SIPA1L1: variants seen among roughly 807,000 people sequenced by gnomAD.
The protein encoded by SIPA1L1 is signal induced proliferation associated 1 like 1.
Under a neutral mutation model 162.7 loss-of-function variants are expected in SIPA1L1, and 26 were observed. The ratio of observed to expected loss-of-function variants is 0.16; its 90% CI spans 0.12 to 0.22. The LOEUF is 0.22. Ranked by LOEUF, SIPA1L1 falls within the 10% of genes least tolerant of loss-of-function variation. The pLI is 1.00. For synonymous variants in SIPA1L1, 829 were observed against 837.4 expected (o/e 0.99, Z 0.17); for missense variants, 1,874 against 2,241.0 (o/e 0.84, Z 3.31).
rs767440470 is a variant in SIPA1L1, at chr14:71,351,266, G to A, written c.-465+30085G>A. Among the ~76,000 whole-genome samples, 168 of 152,146 alleles carry A rather than the reference G, an allele frequency of 1.1e-3. 2 individuals carry two copies. Among genetic ancestry groups the A allele is most frequent in the Admixed American group, 2.6e-3 (39 of 15,266 alleles). On this transcript the variant is annotated intron_variant, in intron 2 of 23. Coordinates refer to ENST00000381232, the MANE Select transcript of SIPA1L1 (RefSeq NM_001386936.1). ...AAAAAATGCCTAAAAAGTCTCTTTAGGGGTGCAGTGATGGAAAAAAGTTGA... is the reference window on the plus strand; with the variant it reads ...AAAAAATGCCTAAAAAGTCTCTTTAAGGGTGCAGTGATGGAAAAAAGTTGA...
chr14:71,340,333 G>A (rs2035521661), intron 2 of SIPA1L1, among the ~76,000 whole-genome samples: 1 of 151,836 alleles, frequency 6.6e-6, no homozygotes, highest in Non-Finnish European at 1.5e-5. Flanking sequence ...TCTGTTGTAG[G>A]ACTTTGGCCT....
chr14:71,556,361 G>A (rs2056351577), intron 4 of SIPA1L1, among the ~76,000 whole-genome samples: 1 of 152,022 alleles, frequency 6.6e-6, no homozygotes, highest in Non-Finnish European at 1.5e-5. Flanking sequence ...AGCGTACACT[G>A]GCTGGATGTT....
At chr14:71,364,230 C>T (rs1050632328) in intron 2 of SIPA1L1, among the ~76,000 whole-genome samples, 1 of 152,114 alleles carries the variant, frequency 6.6e-6, no homozygotes, top group African/African-American at 2.4e-5. Flanking sequence ...AGGCAAGTGA[C>T]GTTATTTTTG....
intron 5 of SIPA1L1, among the ~76,000 whole-genome samples, chr14:71,611,025 C>T (rs2038146564): frequency 6.6e-6 from 1 of 152,124 alleles, no homozygotes; most frequent in Non-Finnish European, 1.5e-5. Context: ...TTTAAATGTC[C>T]CCATCCATTA....
At chr14:71,440,214 A>T (rs1242356446) in intron 2 of SIPA1L1, among the ~76,000 whole-genome samples, 1 of 151,868 alleles carries the variant, frequency 6.6e-6, no homozygotes, top group Non-Finnish European at 1.5e-5. Flanking sequence ...TTTAGTAGAG[A>T]TGGGGTTTCA....
chr14:71,712,834 G>T (rs1334067417), intron 17 of SIPA1L1, among the ~76,000 whole-genome samples: 2 of 152,132 alleles, frequency 1.3e-5, no homozygotes, highest in East Asian at 1.9e-4. Flanking sequence ...TGGTGTCCAC[G>T]GTTGTTAGCC....
chr14:71,439,661 T>G (rs1330107921), intron 2 of SIPA1L1, among the ~76,000 whole-genome samples: 2 of 152,246 alleles, frequency 1.3e-5, no homozygotes, highest in African/African-American at 2.4e-5. Flanking sequence ...GGTAGCACAG[T>G]CTTTTTTCCC....
chr14:71,694,375 G>A (rs1283282247), intron 13 of SIPA1L1, among the ~76,000 whole-genome samples: 2 of 152,106 alleles, frequency 1.3e-5, no homozygotes, highest in South Asian at 2.1e-4. Flanking sequence ...GCAGTGAAGT[G>A]CATTGCATAT....
chr14:71,637,337 G>C (rs1475004161), intron 7 of SIPA1L1, among the ~76,000 whole-genome samples: 1 of 152,154 alleles, frequency 6.6e-6, no homozygotes, highest in East Asian at 1.9e-4. Context: ...GAGAGAGAGA[G>C]AGTACATTGT....
At chr14:71,708,844 G>C (rs2082666540) in intron 16 of SIPA1L1, among the ~76,000 whole-genome samples, 3 of 152,098 alleles carry the variant, frequency 2.0e-5, no homozygotes, top group Admixed American at 2.0e-4. Flanking sequence ...AACAAATAGG[G>C]CTTTTAGAAT....
intron 17 of SIPA1L1, among the ~76,000 whole-genome samples, chr14:71,721,292 A>C (rs1475721287): frequency 6.6e-6 from 1 of 152,150 alleles, no homozygotes; most frequent in Non-Finnish European, 1.5e-5. Flanking sequence ...CTTCCCTCTC[A>C]GGAGTCTCTC....
intron 2 of SIPA1L1, among the ~76,000 whole-genome samples, chr14:71,410,644 G>A (rs778245737): frequency 5.9e-5 from 9 of 152,120 alleles, no homozygotes; most frequent in Non-Finnish European, 1.2e-4. Flanking sequence ...TAAAAGTCAC[G>A]TTGGCATTAA....
chr14:71,547,509 G>T (rs2055348524), intron 4 of SIPA1L1, among the ~76,000 whole-genome samples: 1 of 151,888 alleles, frequency 6.6e-6, no homozygotes, highest in Non-Finnish European at 1.5e-5. Context: ...GGCCAGGCTG[G>T]TCTCGAACTC....
At chr14:71,449,373 G>A (rs1011897331) in intron 2 of SIPA1L1, among the ~76,000 whole-genome samples, 2 of 152,196 alleles carry the variant, frequency 1.3e-5, no homozygotes, top group Admixed American at 1.3e-4. Flanking sequence ...AACAAATGAA[G>A]TTGTCTGGGG....
intron 4 of SIPA1L1, among the ~76,000 whole-genome samples, chr14:71,543,702 T>C (rs554949164): frequency 7.3e-6 from 1 of 136,588 alleles, no homozygotes. Context: ...AACTTTTTTC[T>C]TTTTTTTTTT....
chr14:71,538,455 G>T (rs1050026826), intron 4 of SIPA1L1, among the ~76,000 whole-genome samples: 1 of 152,156 alleles, frequency 6.6e-6, no homozygotes, highest in Admixed American at 6.5e-5. Flanking sequence ...TGCAAGGAAG[G>T]CGGTTAAATG....
In SIPA1L1 at chr14:71,588,091, A is replaced by G. The variant is rs1484086895; in HGVS notation, c.219A>G (p.Lys73=). 1 of 1,614,174 alleles carries G rather than the reference A, an allele frequency of 6.2e-7. No homozygotes were observed. Among genetic ancestry groups the G allele is most frequent in the Non-Finnish European group, 8.5e-7 (1 of 1,179,996 alleles). Residue 73 remains lysine (K), a synonymous_variant, in exon 5 of 24, where the codon AAA becomes AAG. Coordinates refer to ENST00000381232, the MANE Select transcript of SIPA1L1 (RefSeq NM_001386936.1). The surrounding 1 kb of genome is among the most constrained non-coding windows in gnomAD (Gnocchi z 4.3). ...HHITSTPGVP[K]MGVRARIADW... ...TAACCTCAACCCCCGGAGTCCCAAA[A>G]ATGGGGGTAAGGGCAAGGATTGCAG...
chr14:71,422,969 T>A (rs188813756), intron 2 of SIPA1L1, among the ~76,000 whole-genome samples: 40 of 152,348 alleles, frequency 2.6e-4, no homozygotes, highest in South Asian at 6.2e-4. Flanking sequence ...TTCCAGTTTC[T>A]TCACATCCTT....
intron 13 of SIPA1L1, among the ~76,000 whole-genome samples, chr14:71,694,242 G>C (rs1451289150): frequency 6.6e-6 from 1 of 152,148 alleles, no homozygotes; most frequent in African/African-American, 2.4e-5. Flanking sequence ...GTGTGCGTGT[G>C]TGTATGTGTG....
Sources: gnomAD v4.1 joint callset for allele counts (sites outside exome capture counted in the v4.1 genomes callset) on GRCh38, gnomAD v4.1.1 for gene constraint, Gnocchi (gnomAD v3.1) non-coding constraint, MANE v1.5 for transcripts, NCBI Gene and HGNC (gene_info 2026-07-23, HGNC 2026-07-21) for gene names.